Variants in SUGCT observed in about 807,000 individuals in gnomAD.
The protein encoded by SUGCT is succinyl-CoA:glutarate-CoA transferase, also known as succinyl-CoA:glutarate CoA-transferase.
SUGCT carries 41 observed loss-of-function variants against 55.0 expected under a neutral mutation model. The observed-to-expected ratio is 0.74, with a 90% CI of 0.58 to 0.97. SUGCT has a LOEUF of 0.97. Ranked by LOEUF, SUGCT falls within the 50% of genes least tolerant of loss-of-function variation. The pLI, the probability that SUGCT is intolerant of heterozygous loss-of-function variation, is 0.00. For synonymous variants in SUGCT, 187 were observed against 200.4 expected (o/e 0.93, Z 0.56); for missense variants, 568 against 547.8 (o/e 1.04, Z -0.37).
intron 12 of SUGCT, among the ~76,000 whole-genome samples, chr7:40,569,538 A>G (rs560984826): frequency 6.6e-6 from 1 of 152,314 alleles, no homozygotes; most frequent in South Asian, 2.1e-4. Context: ...TAAGGGTGTC[A>G]GAGCTCGATG....
chr7:40,375,741 A>G (rs1417241653), intron 9 of SUGCT, among the ~76,000 whole-genome samples: 6 of 152,092 alleles, frequency 3.9e-5, no homozygotes, highest in African/African-American at 1.4e-4. Context: ...AATTATAGAC[A>G]TATAAATAGA....
intron 8 of SUGCT, among the ~76,000 whole-genome samples, chr7:40,303,193 C>T (rs1043850484): frequency 1.3e-5 from 2 of 152,084 alleles, no homozygotes; most frequent in African/African-American, 4.8e-5. Flanking sequence ...GCCACCTCGC[C>T]TGGCTAATTT....
chr7:40,704,113 A>G (rs1028540426), intron 12 of SUGCT, among the ~76,000 whole-genome samples: 1 of 152,212 alleles, frequency 6.6e-6, no homozygotes, highest in Non-Finnish European at 1.5e-5. Context: ...TGAATCTCTT[A>G]GTTTAGATGA....
chr7:40,729,633 G>A (rs1786792994), intron 12 of SUGCT, among the ~76,000 whole-genome samples: 1 of 152,092 alleles, frequency 6.6e-6, no homozygotes, highest in South Asian at 2.1e-4. Context: ...AGTAGTCCAG[G>A]GTGGGAATCT....
chr7:40,280,569 T>A (rs1300238962), intron 8 of SUGCT, among the ~76,000 whole-genome samples: 1 of 152,194 alleles, frequency 6.6e-6, no homozygotes, highest in Non-Finnish European at 1.5e-5. Context: ...GATGTGACCA[T>A]CCTTTACTCA....
In SUGCT at chr7:40,317,960, A is replaced by G. The variant is rs188147483; in HGVS notation, c.816+1105A>G. Among the ~76,000 whole-genome samples the G allele has an allele frequency of 2.1e-3, 321 of 152,224 alleles. 1 individual carries two copies. The highest frequency in any genetic ancestry group is 0.017 in the Middle Eastern group (5 of 294). Reference sequence around the variant, plus strand: ...TTACAGTTGTGGAGGTGTTTTCTCCAGTTCTTCCCCTTTGTCTGCACCATT... The same window carrying G: ...TTACAGTTGTGGAGGTGTTTTCTCCGGTTCTTCCCCTTTGTCTGCACCATT... On this transcript the variant is annotated intron_variant, in intron 9 of 13. Transcript: ENST00000335693.
chr7:40,669,167 G>A (rs986480098), intron 12 of SUGCT, among the ~76,000 whole-genome samples: 3 of 152,018 alleles, frequency 2.0e-5, no homozygotes, highest in Non-Finnish European at 4.4e-5. Context: ...ACCTAGTGAT[G>A]AGTGGTTTCC....
the SUGCT span, among the ~76,000 whole-genome samples, chr7:41,003,622 C>A: frequency 6.6e-6 from 1 of 152,132 alleles, no homozygotes; most frequent in South Asian, 2.1e-4. Context: ...TTTCCTTTTC[C>A]TGCCTCCAGC....
chr7:40,789,552 T>C (rs1790203105), intron 13 of SUGCT, among the ~76,000 whole-genome samples: 2 of 152,316 alleles, frequency 1.3e-5, no homozygotes, highest in South Asian at 4.2e-4. Context: ...AGTTTGTTTC[T>C]TAGTTACTAT....
chr7:40,707,028 G>A (rs1207835026), intron 12 of SUGCT, among the ~76,000 whole-genome samples: 1 of 152,152 alleles, frequency 6.6e-6, no homozygotes, highest in Non-Finnish European at 1.5e-5. Flanking sequence ...TGGAACAAGA[G>A]CATCTCTGTG....
At chr7:40,154,787 G>A (rs1446975184) in intron 1 of SUGCT, among the ~76,000 whole-genome samples, 1 of 152,188 alleles carries the variant, frequency 6.6e-6, no homozygotes, top group Non-Finnish European at 1.5e-5. Flanking sequence ...TAGAAGTGAA[G>A]TATTGCATTT....
At chr7:40,590,661 A>T (rs1797664057) in intron 12 of SUGCT, among the ~76,000 whole-genome samples, 1 of 152,206 alleles carries the variant, frequency 6.6e-6, no homozygotes, top group Non-Finnish European at 1.5e-5. Flanking sequence ...GCTAGAGAGA[A>T]GTCAGTTCCT....
chr7:40,569,156 A>C (rs548546249), intron 12 of SUGCT, among the ~76,000 whole-genome samples: 1 of 152,276 alleles, frequency 6.6e-6, no homozygotes, highest in East Asian at 1.9e-4. Context: ...CAATTGCTTG[A>C]AATATGAATT....
intron 8 of SUGCT, among the ~76,000 whole-genome samples, chr7:40,296,780 G>T (rs926580232): frequency 1.6e-4 from 24 of 151,994 alleles, no homozygotes; most frequent in African/African-American, 5.3e-4. Context: ...GTTTGTGTGT[G>T]TGTAATTGAT....
chr7:40,596,304 C>T (rs1254757209), intron 12 of SUGCT, among the ~76,000 whole-genome samples: 3 of 152,024 alleles, frequency 2.0e-5, no homozygotes, highest in Non-Finnish European at 2.9e-5. Context: ...AATAAAATTA[C>T]AATAGGCACT....
chr7:40,802,986 C>T (rs534985191), intron 13 of SUGCT, among the ~76,000 whole-genome samples: 2 of 152,260 alleles, frequency 1.3e-5, no homozygotes, highest in African/African-American at 4.8e-5. Context: ...TTTAAACACA[C>T]TATTTTTGAT....
intron 12 of SUGCT, among the ~76,000 whole-genome samples, chr7:40,562,253 C>T (rs551394654): frequency 6.7e-6 from 1 of 149,322 alleles, no homozygotes; most frequent in Non-Finnish European, 1.5e-5. Flanking sequence ...GAGTCGAGAT[C>T]GCGTGACTGC....
intron 12 of SUGCT, among the ~76,000 whole-genome samples, chr7:40,703,641 C>T (rs1785266492): frequency 6.6e-6 from 1 of 152,174 alleles, no homozygotes; most frequent in African/African-American, 2.4e-5. Flanking sequence ...AGCAATAAAT[C>T]AAATACATTT....
At chr7:40,718,519 A>G (rs967867566) in intron 12 of SUGCT, among the ~76,000 whole-genome samples, 7 of 152,362 alleles carry the variant, frequency 4.6e-5, no homozygotes, top group East Asian at 3.9e-4. Context: ...AAATAAAGTC[A>G]TAACATTTTG....
Sources: gnomAD v4.1 joint callset for allele counts (sites outside exome capture counted in the v4.1 genomes callset) on GRCh38, gnomAD v4.1.1 for gene constraint, MANE v1.5 for transcripts, NCBI Gene and HGNC (gene_info 2026-07-23, HGNC 2026-07-21) for gene names.